The following ARID3A variants were observed in gnomAD, a reference collection of about 807,000 sequenced individuals.
ARID3A encodes the protein AT-rich interaction domain 3A, also known as AT-rich interactive domain-containing protein 3A.
A neutral mutation model predicts 52.7 loss-of-function variants in ARID3A; 11 were observed. That is an observed-to-expected ratio of 0.21 (90% confidence interval 0.13 to 0.35). ARID3A has a LOEUF of 0.35. Among genes scored for constraint, ARID3A ranks in the 10% least tolerant of loss-of-function variants. ARID3A has a pLI of 1.00. For synonymous variants in ARID3A, 404 were observed against 359.4 expected (o/e 1.12, Z -1.40); for missense variants, 721 against 838.5 (o/e 0.86, Z 1.73).
In ARID3A at chr19:964,451, G is replaced by A; in HGVS notation, c.950+20G>A. ...GACCCAGTGAGTGGCGGACGGTTGTGCCGAGGTCGGGCCAGGGCACTCTGA... is the reference window on the plus strand; with the variant it reads ...GACCCAGTGAGTGGCGGACGGTTGTACCGAGGTCGGGCCAGGGCACTCTGA... On this transcript the variant is annotated intron_variant, in intron 5 of 8. Coordinates refer to ENST00000263620, the MANE Select transcript of ARID3A (RefSeq NM_005224.3). This position sits in a 1 kb window ranked among gnomAD's most constrained non-coding sequence, Gnocchi z 5.7. 1.3e-6 allele frequency: 2 copies of A among 1,562,114 alleles called. No individual in the cohort carries two copies. Among genetic ancestry groups the A allele is most frequent in the South Asian group, 1.2e-5 (1 of 85,636 alleles).
chr19:949,400 G>T (rs1021901210), intron 3 of ARID3A, among the ~76,000 whole-genome samples: 1 of 152,174 alleles, frequency 6.6e-6, no homozygotes, highest in African/African-American at 2.4e-5. Flanking sequence ...CCGGGAGGGG[G>T]TGGGGGGCTG....
At chr19:969,670 GATATAT>G (rs140013157) in intron 8 of ARID3A, among the ~76,000 whole-genome samples, 1 of 147,540 alleles carries the variant, frequency 6.8e-6, no homozygotes, top group African/African-American at 2.5e-5. Flanking sequence ...TATCTACATA[GATATAT>G]ATATATATAG....
chr19:961,885 C>T (rs2038048697), intron 4 of ARID3A: 1 of 152,276 alleles, frequency 6.6e-6, no homozygotes, highest in Non-Finnish European at 1.5e-5. Context: ...CAGCACTGCA[C>T]TCTAGCCTGG....
At chr19:940,411 A>G (rs534365557) in intron 3 of ARID3A, among the ~76,000 whole-genome samples, 1 of 151,684 alleles carries the variant, frequency 6.6e-6, no homozygotes, top group African/African-American at 2.4e-5. Flanking sequence ...GTGTAGCAGG[A>G]GGGGTGGGCA....
chr19:951,756 C>T (rs1347052593), intron 3 of ARID3A, among the ~76,000 whole-genome samples: 1 of 152,172 alleles, frequency 6.6e-6, no homozygotes, highest in Admixed American at 6.5e-5. Context: ...TCTGAGCATC[C>T]GCAGACCTAT....
rs1458111910 is a variant in ARID3A at position 938,323 on chromosome 19, T to C, written c.693+5581T>C. 6.6e-6 allele frequency among the ~76,000 whole-genome samples: 1 copy of C among 152,228 alleles called. No homozygotes were observed. The highest frequency in any genetic ancestry group is 1.5e-5 in the Non-Finnish European group (1 of 68,032). On this transcript the variant is annotated intron_variant, in intron 3 of 8. Transcript: ENST00000263620. This position sits in a 1 kb window ranked among gnomAD's most constrained non-coding sequence, Gnocchi z 4.0. ...GACGGCACTAGCCGGTATCTGTTGC[T>C]TCACTGCGTGAAGAAAGTGACTGAG...
chr19:933,722 G>A (rs968803728), intron 3 of ARID3A, among the ~76,000 whole-genome samples: 3 of 152,116 alleles, frequency 2.0e-5, no homozygotes, highest in African/African-American at 7.2e-5. Context: ...AGCTTAAGGG[G>A]CGGCCCTAAC....
At chr19:932,301 G>C in intron 2 of ARID3A, 117 bp from the exon 3 acceptor site, 1 of 1,533,474 alleles carries the variant, frequency 6.5e-7, no homozygotes, top group Non-Finnish European at 8.7e-7. Context: ...AGCTGGCGGC[G>C]GCCGGCTCTT....
intron 8 of ARID3A, among the ~76,000 whole-genome samples, chr19:970,654 T>C (rs1229907083): frequency 1.3e-5 from 2 of 151,984 alleles, no homozygotes; most frequent in Non-Finnish European, 2.9e-5. Context: ...TTTGTATTTT[T>C]AGATGATACG....
chr19:947,975 G>A lies in ARID3A; in HGVS notation c.694-12117G>A, dbSNP rs887834756. Reference sequence around the variant, plus strand: ...GCGGGGGAGCCCCCCGGCTGGTCAGGTGCACGAGGAGCAACCCATGGCCAG... The same window carrying A: ...GCGGGGGAGCCCCCCGGCTGGTCAGATGCACGAGGAGCAACCCATGGCCAG... On this transcript the variant is annotated intron_variant, in intron 3 of 8. Transcript: ENST00000263620. This position sits in a 1 kb window ranked among gnomAD's most constrained non-coding sequence, Gnocchi z 6.3. Among the ~76,000 whole-genome samples the A allele has an allele frequency of 6.6e-6, 1 of 152,204 alleles. No individual in the cohort carries two copies. The highest frequency in any genetic ancestry group is 1.5e-5 in the Non-Finnish European group (1 of 68,038).
At chr19:935,066 T>A (rs561594383) in intron 3 of ARID3A, among the ~76,000 whole-genome samples, 2 of 152,248 alleles carry the variant, frequency 1.3e-5, no homozygotes, top group Admixed American at 1.3e-4. Context: ...CTGGGGCCCC[T>A]GTTGACTCTG....
Position 966,726 on chromosome 19 carries a change from G to A in ARID3A, c.1353G>A (p.Glu451=), listed in dbSNP as rs776018288. The change falls in exon 7 of 9, where the codon GAG becomes GAA. Residue 451 remains glutamate, a synonymous_variant. Transcript: ENST00000263620. ...CAGCTGCCCTGGAACAGCTGCGGGA[G>A]AAGCTGGAGTCTGCAGAGCCTCCGG... ...AQAAALEQLR[E]KLESAEPPEK... The A allele has an allele frequency of 1.2e-6, 2 of 1,612,566 alleles. No individual in the cohort carries two copies. The highest frequency in any genetic ancestry group is 2.7e-5 in the African/African-American group (2 of 74,942).
intron 6 of ARID3A, 29 bp downstream of exon 6, chr19:965,109 G>A: frequency 6.4e-7 from 1 of 1,564,426 alleles, no homozygotes; most frequent in African/African-American, 1.4e-5. Context: ...CCTGGGGCGT[G>A]TTCCCAACTG....
At chr19:933,626 C>T (rs918719048) in intron 3 of ARID3A, among the ~76,000 whole-genome samples, 1 of 152,056 alleles carries the variant, frequency 6.6e-6, no homozygotes, top group Admixed American at 6.6e-5. Flanking sequence ...CTTCCAGAAT[C>T]CGCTCTGAGG....
chr19:943,696 GGGA>G (rs1284653489), intron 3 of ARID3A, among the ~76,000 whole-genome samples: 6 of 152,360 alleles, frequency 3.9e-5, no homozygotes, highest in African/African-American at 1.4e-4. Context: ...CCCAGAAGCT[GGGA>G]GAGGAGGGAA....
In ARID3A at chr19:938,971, C is replaced by A. The variant is rs556765150; in HGVS notation, c.693+6229C>A. 1.4e-5 allele frequency among the ~76,000 whole-genome samples: 2 copies of A among 146,610 alleles called. No individual in the cohort carries two copies. The highest frequency in any genetic ancestry group is 2.5e-5 in the African/African-American group (1 of 39,690). ...TTTGAGACGGAGTCTTGTTTTGTCA[C>A]CCAGGCTGCAGTGCAATGGTGCAAT... On this transcript the variant is annotated intron_variant, in intron 3 of 8. Transcript: ENST00000263620. This position sits in a 1 kb window ranked among gnomAD's most constrained non-coding sequence, Gnocchi z 4.0.
Position 958,766 on chromosome 19 carries a change from G to A in ARID3A, c.694-1326G>A, listed in dbSNP as rs532819892. Among the ~76,000 whole-genome samples the A allele has an allele frequency of 2.6e-5, 4 of 152,196 alleles. No individual in the cohort carries two copies. In the East Asian group the frequency reaches 7.8e-4, roughly 30 times the overall value. On this transcript the variant is annotated intron_variant, in intron 3 of 8. Transcript: ENST00000263620. ...AAATTATCCGGGCGTGGTGGCGGGC[G>A]CCTGTAGTCCCAGCTACTCGGGAGG...
intron 4 of ARID3A, among the ~76,000 whole-genome samples, chr19:961,204 C>T (rs1001414763): frequency 1.2e-4 from 18 of 152,122 alleles, no homozygotes; most frequent in South Asian, 4.1e-4. Flanking sequence ...CACTTGGGGC[C>T]GTCACAGGGG....
At chr19:949,837 G>A (rs1258946838) in intron 3 of ARID3A, among the ~76,000 whole-genome samples, 6 of 151,790 alleles carry the variant, frequency 4.0e-5, no homozygotes, top group Non-Finnish European at 8.8e-5. Context: ...CACCACGCCC[G>A]GCTAATTTTT....
Sources: allele counts gnomAD v4.1 joint callset (sites outside exome capture counted in the v4.1 genomes callset), GRCh38; gene constraint gnomAD v4.1.1; non-coding constraint Gnocchi (gnomAD v3.1); transcripts MANE v1.5; gene names NCBI Gene and HGNC (gene_info 2026-07-23, HGNC 2026-07-21).